The following PXDNL variants were observed in gnomAD, a reference collection of about 807,000 sequenced individuals.
The protein encoded by PXDNL is peroxidasin like.
PXDNL carries 145 observed loss-of-function variants against 150.8 expected under a neutral mutation model. That is an observed-to-expected ratio of 0.96 (90% CI 0.84 to 1.10). The LOEUF (loss-of-function observed/expected upper bound fraction) is 1.10, where lower values mean the gene tolerates loss of function less well. Among genes scored for constraint, PXDNL ranks in the 50% least tolerant of loss-of-function variants. The pLI is 0.00. For synonymous variants in PXDNL, 757 were observed against 725.7 expected, an observed-to-expected ratio of 1.04 and a Z score of -0.69; for missense variants, 2,087 against 1,873.9, an observed-to-expected ratio of 1.11 and a Z score of -2.10.
chr8:51,537,960 T>C (rs1812121602), intron 4 of PXDNL, among the ~76,000 whole-genome samples: 1 of 152,210 alleles, frequency 6.6e-6, no homozygotes, highest in African/African-American at 2.4e-5. Flanking sequence ...CAGAAAAGGA[T>C]GCTCTCACAA....
At chr8:51,726,400 A>G (rs992462574) in intron 1 of PXDNL, among the ~76,000 whole-genome samples, 1 of 152,198 alleles carries the variant, frequency 6.6e-6, no homozygotes, top group Admixed American at 6.5e-5. Flanking sequence ...ACCCAAGAGA[A>G]ATGGAATTCA....
chr8:51,704,143 C>T (rs1314259009), intron 1 of PXDNL, among the ~76,000 whole-genome samples: 1 of 152,178 alleles, frequency 6.6e-6, no homozygotes, highest in East Asian at 1.9e-4. Context: ...TTCTCTTTGT[C>T]CCTTCCTGGA....
intron 4 of PXDNL, among the ~76,000 whole-genome samples, chr8:51,548,469 C>T (rs778427914): frequency 2.6e-5 from 4 of 152,128 alleles, no homozygotes; most frequent in Non-Finnish European, 4.4e-5. Flanking sequence ...TAAAGGAAAA[C>T]TTATCAGATT....
intron 1 of PXDNL, among the ~76,000 whole-genome samples, chr8:51,714,071 T>C (rs1816554780): frequency 1.3e-5 from 2 of 152,238 alleles, no homozygotes; most frequent in Non-Finnish European, 2.9e-5. Flanking sequence ...CTCTTCAAAA[T>C]GGATAGTACA....
intron 3 of PXDNL, among the ~76,000 whole-genome samples, chr8:51,584,705 T>C (rs1305357893): frequency 6.6e-6 from 1 of 151,774 alleles, no homozygotes; most frequent in African/African-American, 2.4e-5. Context: ...GAACTCAGAG[T>C]TTGAGGAGGT....
chr8:51,607,458 C>T (rs2130700724), intron 2 of PXDNL, among the ~76,000 whole-genome samples: 1 of 152,190 alleles, frequency 6.6e-6, no homozygotes, highest in East Asian at 1.9e-4. Flanking sequence ...AATTTTCTAC[C>T]CCCACTGCCA....
chr8:51,664,075 GA>G (rs1427680258), intron 1 of PXDNL, among the ~76,000 whole-genome samples: 63 of 150,958 alleles, frequency 4.2e-4, no homozygotes, highest in African/African-American at 1.4e-3. Flanking sequence ...AAAAGAGCGA[GA>G]AAGAGAGAAA....
intron 4 of PXDNL, among the ~76,000 whole-genome samples, chr8:51,540,235 CTT>C (rs1812184648): frequency 6.6e-6 from 1 of 152,080 alleles, no homozygotes; most frequent in Non-Finnish European, 1.5e-5. Flanking sequence ...TGGTTTAACT[CTT>C]ATCTCTATTG....
At chr8:51,459,524 A>C (rs943459571) in intron 8 of PXDNL, among the ~76,000 whole-genome samples, 9 of 152,224 alleles carry the variant, frequency 5.9e-5, no homozygotes, top group Non-Finnish European at 1.2e-4. Flanking sequence ...GTTAAAAATG[A>C]TATAAAACAG....
rs1813107463 is a variant in PXDNL, at chr8:51,577,984, AAAGAAAGAAAGAAAG to A, written c.308+14628_308+14642del. On this transcript the variant is annotated intron_variant, in intron 3 of 22. Transcript: ENST00000356297. The stretch of plus-strand genomic sequence containing the variant: ...GAAAGAAAGAAAGAAAGAAAGAAAG[AAAGAAAGAAAGAAAG>A]AGGAAGGAAGGAAGGAAGGAAGGAA... Among the ~76,000 whole-genome samples the A allele has an allele frequency of 1.9e-3, 169 of 88,650 alleles. 2 individuals carry two copies. The highest frequency in any genetic ancestry group is 6.3e-3 in the Middle Eastern group (1 of 160). The allele number at this position is 88,650 out of a possible 152,430, so 58.2% of individuals were successfully genotyped here.
intron 12 of PXDNL, among the ~76,000 whole-genome samples, chr8:51,429,521 C>T (rs1390060713): frequency 1.3e-5 from 2 of 151,924 alleles, no homozygotes; most frequent in Admixed American, 6.6e-5. Context: ...GTGGAGGTTG[C>T]GGTGAGCCAC....
intron 2 of PXDNL, among the ~76,000 whole-genome samples, chr8:51,641,412 C>A (rs539238851): frequency 1.3e-5 from 2 of 150,426 alleles, no homozygotes; most frequent in South Asian, 2.1e-4. Flanking sequence ...TCAGAGTGAA[C>A]AGGCAACCTA....
intron 4 of PXDNL, among the ~76,000 whole-genome samples, chr8:51,502,407 A>G (rs1358644598): frequency 6.6e-6 from 1 of 152,178 alleles, no homozygotes; most frequent in Non-Finnish European, 1.5e-5. Flanking sequence ...CCACAAAGCC[A>G]ATCAATGGTA....
At chr8:51,624,147 T>A (rs1008300967) in intron 2 of PXDNL, among the ~76,000 whole-genome samples, 5 of 147,476 alleles carry the variant, frequency 3.4e-5, no homozygotes, top group Non-Finnish European at 6.0e-5. Context: ...AATACCTCCT[T>A]CTTCCTTGTC....
intron 3 of PXDNL, among the ~76,000 whole-genome samples, chr8:51,590,411 G>C (rs969661482): frequency 9.9e-5 from 15 of 152,056 alleles, no homozygotes; most frequent in Non-Finnish European, 1.8e-4. Flanking sequence ...CCTATAGCCA[G>C]AGTGGAAACT....
intron 6 of PXDNL, among the ~76,000 whole-genome samples, chr8:51,480,936 G>T (rs1004323827): frequency 6.6e-6 from 1 of 152,150 alleles, no homozygotes; most frequent in Non-Finnish European, 1.5e-5. Flanking sequence ...TTTATTAACA[G>T]TATAAGAACA....
chr8:51,682,891 G>A (rs1815783657), intron 1 of PXDNL, among the ~76,000 whole-genome samples: 1 of 151,862 alleles, frequency 6.6e-6, no homozygotes, highest in Admixed American at 6.6e-5. Flanking sequence ...TGGAGTGGGA[G>A]GCTGGGAATT....
chr8:51,332,839 T>C (rs1805729226), intron 21 of PXDNL, among the ~76,000 whole-genome samples: 1 of 152,250 alleles, frequency 6.6e-6, no homozygotes, highest in African/African-American at 2.4e-5. Context: ...TCTGGGATTA[T>C]GTTATATGAC....
At chr8:51,723,452 C>A (rs112959591) in intron 1 of PXDNL, among the ~76,000 whole-genome samples, 1,825 of 152,350 alleles carry the variant, frequency 0.012, 32 homozygotes, top group African/African-American at 0.037. Flanking sequence ...ACTAGACAGG[C>A]AGTCCTGCAC....
Sources: gnomAD v4.1 joint callset for allele counts (sites outside exome capture counted in the v4.1 genomes callset) on GRCh38, gnomAD v4.1.1 for gene constraint, MANE v1.5 for transcripts, NCBI Gene and HGNC (gene_info 2026-07-23, HGNC 2026-07-21) for gene names.